APBA2: variants seen among roughly 807,000 people sequenced by gnomAD.
APBA2 encodes amyloid beta precursor protein binding family A member 2, also known as amyloid-beta A4 precursor protein-binding family A member 2.
Under a neutral mutation model 75.0 loss-of-function variants are expected in APBA2, and 30 were observed. That is an observed-to-expected ratio of 0.40 (90% CI 0.30 to 0.54). The LOEUF (loss-of-function observed/expected upper bound fraction) is 0.54. Ranked by LOEUF, APBA2 falls within the 20% of genes least tolerant of loss-of-function variation. APBA2 has a pLI of 0.49. For synonymous variants in APBA2, 444 were observed against 409.6 expected (o/e 1.08, Z -1.01); for missense variants, 801 against 1,016.1 (o/e 0.79, Z 2.88).
At chr15:28,935,090 C>A (rs1195311811) in intron 2 of APBA2, among the ~76,000 whole-genome samples, 1 of 152,220 alleles carries the variant, frequency 6.6e-6, no homozygotes, top group Non-Finnish European at 1.5e-5. Flanking sequence ...GGATTCTCCA[C>A]TTCCCCACAG....
intron 4 of APBA2, among the ~76,000 whole-genome samples, chr15:29,055,738 A>G (rs2041857243): frequency 6.8e-6 from 1 of 148,098 alleles, no homozygotes; most frequent in Non-Finnish European, 1.5e-5. Context: ...TTGGAATGGA[A>G]ATCATTGGAT....
intron 2 of APBA2, among the ~76,000 whole-genome samples, chr15:28,946,309 T>G (rs1442333870): frequency 6.6e-6 from 1 of 152,204 alleles, no homozygotes; most frequent in East Asian, 1.9e-4. Flanking sequence ...GGTGGGCCCT[T>G]ATAATCATGG....
chr15:29,014,707 T>C (rs2039568819), intron 3 of APBA2, among the ~76,000 whole-genome samples: 1 of 150,638 alleles, frequency 6.6e-6, no homozygotes, highest in Non-Finnish European at 1.5e-5. Context: ...TTTGACTGTT[T>C]TTTTTTTTTT....
chr15:29,090,983 G>A (rs1038587696), intron 6 of APBA2, among the ~76,000 whole-genome samples: 2 of 152,150 alleles, frequency 1.3e-5, no homozygotes, highest in Admixed American at 6.5e-5. Context: ...CTGAAGAAGC[G>A]CCAGGGTATG....
At chr15:29,084,827 T>C (rs1263702532) in intron 6 of APBA2, among the ~76,000 whole-genome samples, 1 of 152,256 alleles carries the variant, frequency 6.6e-6, no homozygotes, top group Non-Finnish European at 1.5e-5. Context: ...TCCTGCAGTG[T>C]GGATTTTGCT....
At chr15:28,953,220 A>G (rs1566836795) in intron 2 of APBA2, among the ~76,000 whole-genome samples, 1 of 152,148 alleles carries the variant, frequency 6.6e-6, no homozygotes, top group Non-Finnish European at 1.5e-5. Flanking sequence ...CCGAGTTGGA[A>G]ATAATGTATA....
At chr15:29,081,854 A>G (rs2043096371) in intron 6 of APBA2, among the ~76,000 whole-genome samples, 1 of 152,230 alleles carries the variant, frequency 6.6e-6, no homozygotes, top group Non-Finnish European at 1.5e-5. Context: ...CCTTGTGGCT[A>G]CGCCTTTGTG....
chr15:29,071,218 T>C (rs1208752910), intron 4 of APBA2: 1 of 370,772 alleles, frequency 2.7e-6, no homozygotes, highest in African/African-American at 2.1e-5. Context: ...CAAGCTTTAG[T>C]TTCACCACCT....
At chr15:29,051,178 G>T (rs2041576998) in intron 3 of APBA2, among the ~76,000 whole-genome samples, 1 of 152,176 alleles carries the variant, frequency 6.6e-6, no homozygotes, top group Admixed American at 6.5e-5. Flanking sequence ...GTTATATGTG[G>T]TCTTTGAGGC....
At chr15:28,968,056 G>GT (rs1250952301) in intron 2 of APBA2, among the ~76,000 whole-genome samples, 1 of 152,228 alleles carries the variant, frequency 6.6e-6, no homozygotes, top group Non-Finnish European at 1.5e-5. Context: ...ATTTTTGTGC[G>GT]TGACTGACTT....
intron 3 of APBA2, among the ~76,000 whole-genome samples, chr15:29,001,750 A>G (rs574362126): frequency 6.6e-6 from 1 of 152,320 alleles, no homozygotes; most frequent in African/African-American, 2.4e-5. Context: ...TCTGACACCC[A>G]GTTCTTTTTT....
At chr15:29,113,545 G>A (rs1480307815) in intron 13 of APBA2, among the ~76,000 whole-genome samples, 1 of 152,088 alleles carries the variant, frequency 6.6e-6, no homozygotes, top group Non-Finnish European at 1.5e-5. Context: ...CTGTGCCGTA[G>A]GAGGCCAGGT....
intron 1 of APBA2, among the ~76,000 whole-genome samples, chr15:28,891,333 C>T (rs1304607196): frequency 2.6e-5 from 4 of 152,174 alleles, no homozygotes; most frequent in Non-Finnish European, 5.9e-5. Flanking sequence ...TGAGCCTGAG[C>T]TGGAGAGAGT....
chr15:29,117,300 A>G lies in APBA2; in HGVS notation c.*167A>G. 1 of 633,920 alleles carries G rather than the reference A, an allele frequency of 1.6e-6. No individual in the cohort carries two copies. Among genetic ancestry groups the G allele is most frequent in the South Asian group, 1.8e-5 (1 of 54,844 alleles). The allele number at this position is 633,920 out of a possible 1,614,324, so 39.3% of individuals were successfully genotyped here. A position where few individuals can be genotyped will look rare whatever the true frequency, so the allele number is the denominator to read the frequency against. On this transcript the variant is annotated 3_prime_UTR_variant, in exon 15 of 15. Transcript: ENST00000683413. ...CCCACTTGATTTTTTTCATTTTGCC[A>G]AAAAGGGGTATGTCTTTATCAAAGG...
intron 3 of APBA2, among the ~76,000 whole-genome samples, chr15:29,033,459 T>C (rs1212196249): frequency 6.6e-6 from 1 of 152,136 alleles, no homozygotes; most frequent in East Asian, 1.9e-4. Context: ...GGCACAGTCT[T>C]CCACAAGACT....
At chr15:29,035,914 C>A (rs958244725) in intron 3 of APBA2, among the ~76,000 whole-genome samples, 2 of 152,166 alleles carry the variant, frequency 1.3e-5, no homozygotes, top group Non-Finnish European at 2.9e-5. Context: ...TGAATATGGA[C>A]CCCTCAGGGT....
At chr15:29,074,617 T>G (rs2152924350) in intron 4 of APBA2, among the ~76,000 whole-genome samples, 1 of 152,336 alleles carries the variant, frequency 6.6e-6, no homozygotes, top group Middle Eastern at 3.4e-3. Flanking sequence ...GTGAATGTAC[T>G]TAGTGCCACT....
chr15:28,945,804 C>T (rs972360574), intron 2 of APBA2, among the ~76,000 whole-genome samples: 1 of 152,264 alleles, frequency 6.6e-6, no homozygotes, highest in African/African-American at 2.4e-5. Flanking sequence ...GGTGCCGCTC[C>T]TTACATTTTG....
At chr15:29,088,650 C>T (rs1264214551) in intron 6 of APBA2, among the ~76,000 whole-genome samples, 1 of 152,200 alleles carries the variant, frequency 6.6e-6, no homozygotes, top group East Asian at 1.9e-4. Flanking sequence ...CTACAGTAGC[C>T]TCTCAGCTGC....
Sources: gnomAD v4.1 joint callset for allele counts (sites outside exome capture counted in the v4.1 genomes callset) on GRCh38, gnomAD v4.1.1 for gene constraint, MANE v1.5 for transcripts, NCBI Gene and HGNC (gene_info 2026-07-23, HGNC 2026-07-21) for gene names.